NAA20: variants seen among roughly 807,000 people sequenced by gnomAD.
NAA20 encodes N-alpha-acetyltransferase 20.
NAA20 carries 24 observed loss-of-function variants against 23.8 expected under a neutral mutation model. That is an observed-to-expected ratio of 1.01 (90% CI 0.73 to 1.42). The LOEUF is 1.42. Ranked by LOEUF, NAA20 falls within the 40% of genes most tolerant of loss-of-function variation. The pLI, the probability that NAA20 is intolerant of heterozygous loss-of-function variation, is 0.00. For missense variants in NAA20, 166 were observed against 223.1 expected (o/e 0.74, Z 1.63); for synonymous variants, 83 against 77.7 (o/e 1.07, Z -0.36).
rs1359449300 is a variant in NAA20 at position 20,025,787 on chromosome 20, T to G, written c.169+20T>G. ...GTTATAGTAAGTATAATACCACTAG[T>G]ATTTTGTGGAGTAGGTAAAGATTTT... On this transcript the variant is annotated intron_variant, in intron 3 of 5. Coordinates refer to ENST00000334982, the MANE Select transcript of NAA20 (RefSeq NM_016100.5). 6.8e-7 allele frequency: 1 copy of G among 1,466,354 alleles called. No homozygotes were observed. The highest frequency in any genetic ancestry group is 1.1e-5 in the South Asian group (1 of 87,922). The allele number at this position is 1,466,354 out of a possible 1,614,324, so 90.8% of individuals were successfully genotyped here. A position where few individuals can be genotyped will look rare whatever the true frequency, so the allele number is the denominator to read the frequency against.
chr20:20,018,166 T>C (rs1438934894), intron 1 of NAA20: 34 of 1,420,626 alleles, frequency 2.4e-5, no homozygotes, highest in Non-Finnish European at 3.1e-5. Flanking sequence ...GCAGTTTCTT[T>C]GGATTCGAGT....
At chr20:20,018,387 C>T (rs1408563254) in intron 1 of NAA20, 1 of 309,874 alleles carries the variant, frequency 3.2e-6, no homozygotes, top group African/African-American at 2.1e-5. Context: ...AAAAAAACAA[C>T]AGGGCGGTAT....
intron 2 of NAA20, among the ~76,000 whole-genome samples, chr20:20,024,675 G>A (rs1203571482): frequency 6.6e-6 from 1 of 152,150 alleles, no homozygotes; most frequent in Non-Finnish European, 1.5e-5. Context: ...GGTCCTAGAG[G>A]TCGATGGGAG....
chr20:20,017,479 T>C (rs905560591), intron 1 of NAA20, 30 bp downstream of exon 1: 2 of 1,587,760 alleles, frequency 1.3e-6, no homozygotes, highest in South Asian at 1.1e-5. Context: ...GGCCAGCCGC[T>C]CTTGGCCGGG....
At chr20:20,020,355 A>G (rs1207600632) in intron 1 of NAA20, among the ~76,000 whole-genome samples, 1 of 152,188 alleles carries the variant, frequency 6.6e-6, no homozygotes, top group African/African-American at 2.4e-5. Context: ...GCCCTTGAAG[A>G]AAGACCTGGG....
intron 4 of NAA20, among the ~76,000 whole-genome samples, chr20:20,027,935 A>C (rs530346538): frequency 6.6e-6 from 1 of 152,300 alleles, no homozygotes; most frequent in South Asian, 2.1e-4. Context: ...ATTTCCTAAA[A>C]GTGTGGTAGG....
At chr20:20,024,035 G>A (rs577577052) in intron 2 of NAA20, among the ~76,000 whole-genome samples, 44 of 152,306 alleles carry the variant, frequency 2.9e-4, no homozygotes, top group African/African-American at 8.7e-4. Context: ...GGGACACCAC[G>A]CTGATTAATT....
intron 2 of NAA20, among the ~76,000 whole-genome samples, chr20:20,023,505 T>C (rs2043286139): frequency 6.6e-6 from 1 of 152,184 alleles, no homozygotes; most frequent in Non-Finnish European, 1.5e-5. Flanking sequence ...GTGTCTATTA[T>C]TGTCCTAATG....
chr20:20,017,950 G>C, intron 1 of NAA20: 13 of 1,613,226 alleles, frequency 8.1e-6, no homozygotes, highest in South Asian at 6.6e-5. Flanking sequence ...TGTGTACATC[G>C]TGAAGCCCAC....
At chr20:20,032,248 T>C (rs1173819363) in intron 4 of NAA20, among the ~76,000 whole-genome samples, 1 of 151,742 alleles carries the variant, frequency 6.6e-6, no homozygotes, top group African/African-American at 2.4e-5. Context: ...ATGCCTTGAG[T>C]TTATCTTTTA....
chr20:20,021,794 A>T (rs1477207519), intron 1 of NAA20, among the ~76,000 whole-genome samples: 1 of 152,220 alleles, frequency 6.6e-6, no homozygotes, highest in Admixed American at 6.5e-5. Flanking sequence ...TAGTGGCTCC[A>T]TTAATTGACT....
intron 4 of NAA20, among the ~76,000 whole-genome samples, chr20:20,030,691 AAATC>A (rs143074230): frequency 0.012 from 1,748 of 151,990 alleles, 23 homozygotes; most frequent in African/African-American, 0.04. Flanking sequence ...GTCAGTATAA[AAATC>A]AATTGTATTT....
chr20:20,023,930 T>C (rs765745969), intron 2 of NAA20, among the ~76,000 whole-genome samples: 14 of 152,152 alleles, frequency 9.2e-5, no homozygotes, highest in Non-Finnish European at 1.8e-4. Context: ...AAGCTGAAAA[T>C]AAGAAGAAAT....
At chr20:20,032,137 T>C (rs75666294) in intron 4 of NAA20, among the ~76,000 whole-genome samples, 177 of 152,028 alleles carry the variant, frequency 1.2e-3, no homozygotes, top group Non-Finnish European at 2.0e-3. Context: ...CTTACAATGT[T>C]AGTCGACTGA....
chr20:20,025,397 A>G (rs1274760735), intron 2 of NAA20, among the ~76,000 whole-genome samples: 1 of 152,238 alleles, frequency 6.6e-6, no homozygotes, highest in Non-Finnish European at 1.5e-5. Flanking sequence ...TGGTATGGTC[A>G]GTAGGGAAGT....
At chr20:20,017,660 C>T (rs1327974857) in intron 1 of NAA20, 5 of 1,372,366 alleles carry the variant, frequency 3.6e-6, no homozygotes, top group South Asian at 1.6e-5. Context: ...CCGGCCTTGG[C>T]GACCTTGGCC....
chr20:20,033,018 C>A, intron 5 of NAA20, 84 bp from the exon 6 acceptor site: 1 of 1,102,254 alleles, frequency 9.1e-7, no homozygotes, highest in Non-Finnish European at 1.4e-6. Flanking sequence ...GGGATAAAAC[C>A]TCTTATGGGA....
At chr20:20,023,152 G>A (rs559447271) in intron 2 of NAA20, among the ~76,000 whole-genome samples, 1 of 152,186 alleles carries the variant, frequency 6.6e-6, no homozygotes, top group African/African-American at 2.4e-5. Context: ...GCCAGCCGTG[G>A]TGGCTCACTC....
At chr20:20,023,176 A>G (rs775440044) in intron 2 of NAA20, among the ~76,000 whole-genome samples, 1 of 152,080 alleles carries the variant, frequency 6.6e-6, no homozygotes, top group Non-Finnish European at 1.5e-5. Context: ...AATCCCAGCT[A>G]CTTAGGAGGC....
Sources: allele counts gnomAD v4.1 joint callset (sites outside exome capture counted in the v4.1 genomes callset), GRCh38; gene constraint gnomAD v4.1.1; transcripts MANE v1.5; gene names NCBI Gene and HGNC (gene_info 2026-07-23, HGNC 2026-07-21).